MAPT: variants seen among roughly 807,000 people sequenced by gnomAD.
The protein encoded by MAPT is microtubule associated protein tau, also known as microtubule-associated protein tau.
MAPT carries 34 observed loss-of-function variants against 67.9 expected under a neutral mutation model. That is an observed-to-expected ratio of 0.50 (90% CI 0.38 to 0.67). MAPT has a LOEUF of 0.67. Ranked by LOEUF, MAPT falls within the 30% of genes least tolerant of loss-of-function variation. The pLI is 0.00. For missense variants in MAPT, 881 were observed against 1,115.2 expected, an observed-to-expected ratio of 0.79 and a Z score of 2.99; for synonymous variants, 456 against 464.5, an observed-to-expected ratio of 0.98 and a Z score of 0.23.
At chr17:45,946,784 C>A (rs1385491091) in intron 1 of MAPT, among the ~76,000 whole-genome samples, 1 of 151,710 alleles carries the variant, frequency 6.6e-6, no homozygotes, top group Non-Finnish European at 1.5e-5. Flanking sequence ...AACAACACAA[C>A]AAACCCAGAA....
chr17:45,909,883 A>AG (rs1789086096), intron 1 of MAPT, among the ~76,000 whole-genome samples: 1 of 150,684 alleles, frequency 6.6e-6, no homozygotes, highest in Non-Finnish European at 1.5e-5. Flanking sequence ...AAAAAAAAAA[A>AG]AAAAAAAAAA....
At chr17:45,960,253 C>A (rs1293366337) in intron 1 of MAPT, among the ~76,000 whole-genome samples, 1 of 152,268 alleles carries the variant, frequency 6.6e-6, no homozygotes, top group Non-Finnish European at 1.5e-5. Context: ...TTTCACGAAG[C>A]AGTGGCATTT....
At chr17:45,922,732 A>G (rs749607716) in intron 1 of MAPT, among the ~76,000 whole-genome samples, 5 of 152,178 alleles carry the variant, frequency 3.3e-5, no homozygotes, top group African/African-American at 1.2e-4. Context: ...GATAGGGCCA[A>G]TGTTGGGACT....
At chr17:45,922,901 T>C (rs1008364319) in intron 1 of MAPT, among the ~76,000 whole-genome samples, 2 of 152,190 alleles carry the variant, frequency 1.3e-5, no homozygotes, top group Non-Finnish European at 2.9e-5. Flanking sequence ...TTAAAGGAGT[T>C]AGCAAAGGGC....
At chr17:45,948,772 T>TAAC (rs1256445434) in intron 1 of MAPT, among the ~76,000 whole-genome samples, 21 of 152,242 alleles carry the variant, frequency 1.4e-4, no homozygotes, top group Non-Finnish European at 2.6e-4. Flanking sequence ...TGGAAATGCT[T>TAAC]CAAACATGGT....
intron 8 of MAPT, 29 bp downstream of exon 8, chr17:45,991,615 A>G (rs1437450815): frequency 1.2e-6 from 2 of 1,613,968 alleles, no homozygotes; most frequent in Non-Finnish European, 8.5e-7. Flanking sequence ...TGAATCTTAG[A>G]GGAAGCTGAA....
chr17:45,935,465 G>A (rs897677848), intron 1 of MAPT, among the ~76,000 whole-genome samples: 1 of 152,024 alleles, frequency 6.6e-6, no homozygotes, highest in Non-Finnish European at 1.5e-5. Context: ...CCACCCCCTC[G>A]GAACTCAGAG....
chr17:45,911,573 C>T (rs1436726106), intron 1 of MAPT, among the ~76,000 whole-genome samples: 3 of 151,988 alleles, frequency 2.0e-5, no homozygotes, highest in Admixed American at 6.6e-5. Context: ...CCAGCCTGGG[C>T]AACATAGGGA....
intron 9 of MAPT, among the ~76,000 whole-genome samples, chr17:46,006,801 T>C (rs2075458277): frequency 6.6e-6 from 1 of 151,898 alleles, no homozygotes; most frequent in African/African-American, 2.4e-5. Context: ...TGGGCGCCTG[T>C]AGTCCCAGCT....
At chr17:45,988,922 C>T (rs1241346343) in intron 6 of MAPT, among the ~76,000 whole-genome samples, 1 of 151,716 alleles carries the variant, frequency 6.6e-6, no homozygotes, top group African/African-American at 2.4e-5. Flanking sequence ...AAAGAGTTAA[C>T]ATTGGCCAGA....
At chr17:45,895,097 G>A (rs991108007) in intron 1 of MAPT, 2 of 151,904 alleles carry the variant, frequency 1.3e-5, no homozygotes, top group African/African-American at 4.9e-5. Flanking sequence ...GTGTGGAGGG[G>A]TCCGATAACG....
chr17:45,920,627 G>C (rs1234695462), intron 1 of MAPT, among the ~76,000 whole-genome samples: 2 of 152,222 alleles, frequency 1.3e-5, no homozygotes, highest in Non-Finnish European at 2.9e-5. Flanking sequence ...GCCTTCTGCG[G>C]ATGCCAGACT....
At chr17:46,009,098 C>T (rs1000726635) in intron 9 of MAPT, among the ~76,000 whole-genome samples, 1 of 152,086 alleles carries the variant, frequency 6.6e-6, no homozygotes, top group African/African-American at 2.4e-5. Flanking sequence ...ACTTGGGAGG[C>T]TGAAGTAGGA....
chr17:45,989,745 T>G (rs1335511575), intron 6 of MAPT, 133 bp from the exon 7 acceptor site: 2 of 791,470 alleles, frequency 2.5e-6, no homozygotes. Flanking sequence ...GGTACCTGAT[T>G]CAAACAGCCT....
intron 1 of MAPT, among the ~76,000 whole-genome samples, chr17:45,947,512 C>G (rs927886417): frequency 6.6e-6 from 1 of 151,846 alleles, no homozygotes; most frequent in East Asian, 1.9e-4. Context: ...CTCAGCCTCC[C>G]CAGTAGCTGG....
intron 3 of MAPT, chr17:45,976,206 C>G (rs958760528): frequency 2.6e-5 from 4 of 152,290 alleles, no homozygotes; most frequent in Non-Finnish European, 5.9e-5. Context: ...GGCTGCAGCA[C>G]CTGTCCTTTG....
At chr17:45,899,997 G>C (rs1209148295) in intron 1 of MAPT, among the ~76,000 whole-genome samples, 3 of 152,162 alleles carry the variant, frequency 2.0e-5, no homozygotes, top group Admixed American at 2.0e-4. Flanking sequence ...AAGTCTCTGA[G>C]GTTTAGGGAC....
chr17:46,016,682 A>G (rs556374451), intron 11 of MAPT, among the ~76,000 whole-genome samples: 13 of 152,134 alleles, frequency 8.5e-5, no homozygotes, highest in Admixed American at 3.3e-4. Flanking sequence ...GAGGCAGGAG[A>G]ATGGCATGAA....
intron 10 of MAPT, among the ~76,000 whole-genome samples, chr17:46,012,810 G>A (rs1433772842): frequency 6.6e-6 from 1 of 151,268 alleles, no homozygotes; most frequent in African/African-American, 2.4e-5. Context: ...AGGGAAGGAG[G>A]CCCTGGTCAT....
Sources: gnomAD v4.1 joint callset for allele counts (sites outside exome capture counted in the v4.1 genomes callset) on GRCh38, gnomAD v4.1.1 for gene constraint, MANE v1.5 for transcripts, NCBI Gene and HGNC (gene_info 2026-07-23, HGNC 2026-07-21) for gene names.